PBK: variants seen among roughly 807,000 people sequenced by gnomAD.
PBK encodes the protein lymphokine-activated killer T-cell-originated protein kinase.
PBK carries 22 observed loss-of-function variants against 33.5 expected under a neutral mutation model. The observed-to-expected ratio is 0.66, with a 90% CI of 0.47 to 0.94. PBK has a LOEUF of 0.94. Among genes scored for constraint, PBK ranks in the 40% least tolerant of loss-of-function variants. The probability of loss-of-function intolerance (pLI) is 0.00; values close to 1 mark genes in which losing one functional copy is unlikely to be tolerated. For synonymous variants in PBK, 129 were observed against 123.8 expected, an observed-to-expected ratio of 1.04 and a Z score of -0.28; for missense variants, 376 against 383.4, an observed-to-expected ratio of 0.98 and a Z score of 0.16.
chr8:27,822,619 TACAAG>T, intron 4 of PBK, 131 bp from the exon 5 acceptor site: 1 of 574,722 alleles, frequency 1.7e-6, no homozygotes, highest in Non-Finnish European at 2.9e-6. Flanking sequence ...AGCTACTATT[TACAAG>T]ACTAATTCAG....
chr8:27,813,491 C>T (rs190232563), intron 6 of PBK, among the ~76,000 whole-genome samples: 1 of 152,194 alleles, frequency 6.6e-6, no homozygotes, highest in Non-Finnish European at 1.5e-5. Flanking sequence ...TTGACTCCTC[C>T]CCCAAGCTTT....
At chr8:27,813,103 T>C (rs906812207) in intron 6 of PBK, among the ~76,000 whole-genome samples, 3 of 152,086 alleles carry the variant, frequency 2.0e-5, no homozygotes, top group African/African-American at 7.2e-5. Context: ...ATTAAGAAAA[T>C]GTGGCACATA....
At chr8:27,817,552 T>C (rs76581032) in intron 6 of PBK, among the ~76,000 whole-genome samples, 6 of 106,274 alleles carry the variant, frequency 5.6e-5, no homozygotes, top group South Asian at 6.6e-4. Flanking sequence ...TTTAACCCTG[T>C]TTTTTTTTTC....
Position 27,820,677 on chromosome 8 carries a change from C to T in PBK, c.483G>A (p.Lys161=). The T allele has an allele frequency of 6.4e-7, 1 of 1,559,642 alleles. No individual in the cohort carries two copies. Among genetic ancestry groups the T allele is most frequent in the Non-Finnish European group, 8.8e-7 (1 of 1,142,074 alleles). The change falls in exon 6 of 8, where the codon AAG becomes AAA. Residue 161 remains lysine (K), a synonymous_variant. Coordinates refer to ENST00000301905, the MANE Select transcript of PBK (RefSeq NM_018492.4). ...ACTTTATGTCTCCATGAAGCAGTTT[C>T]TTTTCTTGGTGCAGATACTAAAATA... ...ARGLKYLHQE[K]KLLHGDIKSS...
intron 6 of PBK, among the ~76,000 whole-genome samples, chr8:27,818,623 C>G (rs981140024): frequency 1.3e-5 from 2 of 151,968 alleles, no homozygotes; most frequent in African/African-American, 4.8e-5. Flanking sequence ...TTATCTGTTT[C>G]TCATTGATTA....
intron 6 of PBK, among the ~76,000 whole-genome samples, chr8:27,814,524 T>C (rs1805773414): frequency 6.6e-6 from 1 of 152,148 alleles, no homozygotes; most frequent in Non-Finnish European, 1.5e-5. Flanking sequence ...TTTCATTGAT[T>C]TCTGCTCATA....
intron 6 of PBK, among the ~76,000 whole-genome samples, chr8:27,816,557 T>C (rs1443861730): frequency 1.3e-5 from 2 of 151,642 alleles, no homozygotes; most frequent in Admixed American, 6.6e-5. Context: ...TTTGTATTTT[T>C]AGTAGAGACG....
rs920099313 is a variant in PBK at position 27,837,805 on chromosome 8, C to T, written c.-174G>A. On this transcript the variant is annotated 5_prime_UTR_variant, in exon 1 of 8. Transcript: ENST00000301905. ...CGGCAGCTGCCGTTGCAATTCGAAC[C>T]CTCCTGGCTTTCAAAAAGTCGCGCG... 3 of 152,248 alleles carry T rather than the reference C, an allele frequency of 2.0e-5. No individual in the cohort carries two copies. Among genetic ancestry groups the T allele is most frequent in the Non-Finnish European group, 4.4e-5 (3 of 68,052 alleles). The allele number at this position is 152,248 out of a possible 1,614,324, so 9.4% of individuals were successfully genotyped here. A position where few individuals can be genotyped will look rare whatever the true frequency, so the allele number is the denominator to read the frequency against.
At chr8:27,828,004 AC>A (rs78755489) in intron 3 of PBK, 100 bp downstream of exon 3, 86,655 of 628,678 alleles carry the variant, frequency 0.14, 7,831 homozygotes, top group East Asian at 0.34. Flanking sequence ...GGAGCAGACA[AC>A]CGAATCTAAA....
At chr8:27,817,450 G>A (rs1445085171) in intron 6 of PBK, among the ~76,000 whole-genome samples, 1 of 151,980 alleles carries the variant, frequency 6.6e-6, no homozygotes, top group Non-Finnish European at 1.5e-5. Context: ...ATTTTAAAAT[G>A]TTTATGCCCT....
chr8:27,813,916 TTA>T (rs1805756584), intron 6 of PBK, among the ~76,000 whole-genome samples: 1 of 148,456 alleles, frequency 6.7e-6, no homozygotes, highest in South Asian at 2.1e-4. Flanking sequence ...TTTTTTTTTC[TTA>T]TCAGTTTATT....
Position 27,828,123 on chromosome 8 carries a change from T to C in PBK, c.134A>G (p.Asn45Ser). The C allele has an allele frequency of 6.5e-7, 1 of 1,546,746 alleles. No individual in the cohort carries two copies. Among genetic ancestry groups the C allele is most frequent in the Middle Eastern group, 1.9e-4 (1 of 5,208 alleles). ...MQKLGFGTGV[N>S]VYLMKRSPRG... ...TACTTACCTTTTCATTAGGTACACATTTACCCCAGTACCAAAGCCAAGCTT... is the reference window on the plus strand; with the variant it reads ...TACTTACCTTTTCATTAGGTACACACTTACCCCAGTACCAAAGCCAAGCTT... Residue 45 changes from asparagine to serine, a missense_variant, in exon 3 of 8, where the codon AAT becomes AGT. Physicochemically the swap from Asn to Ser is conservative, Grantham distance 46. Coordinates refer to ENST00000301905, the MANE Select transcript of PBK (RefSeq NM_018492.4).
intron 3 of PBK, 127 bp downstream of exon 3, chr8:27,827,978 C>T: frequency 1.9e-6 from 1 of 533,252 alleles, no homozygotes; most frequent in Non-Finnish European, 3.4e-6. Flanking sequence ...CGGAATACAG[C>T]CATCAGCCAG....
intron 5 of PBK, 132 bp from the exon 6 acceptor site, chr8:27,820,826 TTTTTTTTTTTTTTTTAAAACGGAG>T: frequency 2.5e-6 from 1 of 401,118 alleles, no homozygotes. Context: ...GTTTCAAAAT[TTTTTTTTTTTTTTTTAAAACGGAG>T]TCTCACTCTG....
intron 6 of PBK, among the ~76,000 whole-genome samples, chr8:27,818,506 T>C (rs1251284261): frequency 6.6e-6 from 1 of 152,228 alleles, no homozygotes; most frequent in Non-Finnish European, 1.5e-5. Flanking sequence ...TGATAGCAGA[T>C]TATCTCATTG....
chr8:27,820,618 G>C lies in PBK; in HGVS notation c.542C>G (p.Thr181Arg). Residue 181 changes from threonine (T) to arginine (R), a missense_variant, in exon 6 of 8, where the codon ACA becomes AGA. Transcript: ENST00000301905. ...SNVVIKGDFETIKICDVGVSL... is the reference protein window; with the variant it reads ...SNVVIKGDFERIKICDVGVSL... ...GACTCCTACATCACAGATTTTAATT[G>C]TTTCAAAATCGCCTTTAATTACAAC... The C allele has an allele frequency of 6.4e-7, 1 of 1,565,120 alleles. No individual in the cohort carries two copies. Among genetic ancestry groups the C allele is most frequent in the Non-Finnish European group, 8.8e-7 (1 of 1,137,702 alleles).
chr8:27,830,896 C>G (rs1206488898), intron 2 of PBK, among the ~76,000 whole-genome samples: 3 of 152,126 alleles, frequency 2.0e-5, no homozygotes, highest in Non-Finnish European at 4.4e-5. Context: ...CATTAAAACA[C>G]AAATCAAAAT....
At chr8:27,826,085 C>T (rs968718557) in intron 3 of PBK, among the ~76,000 whole-genome samples, 2 of 151,942 alleles carry the variant, frequency 1.3e-5, no homozygotes, top group African/African-American at 4.8e-5. Context: ...GTGGGGGGGA[C>T]AGATAACATA....
intron 2 of PBK, among the ~76,000 whole-genome samples, chr8:27,830,425 T>A (rs187295750): frequency 1.3e-5 from 2 of 151,390 alleles, no homozygotes; most frequent in South Asian, 4.2e-4. Context: ...ACAAAAACTA[T>A]CAAAAATGAA....
Sources: gnomAD v4.1 joint callset for allele counts (sites outside exome capture counted in the v4.1 genomes callset) on GRCh38, gnomAD v4.1.1 for gene constraint, MANE v1.5 for transcripts, NCBI Gene and HGNC (gene_info 2026-07-23, HGNC 2026-07-21) for gene names.